The following GNB4 variants were observed in gnomAD, a reference collection of about 807,000 sequenced individuals.
GNB4 encodes G protein subunit beta 4.
A neutral mutation model predicts 45.2 loss-of-function variants in GNB4; 28 were observed. That is an observed-to-expected ratio of 0.62 (90% confidence interval 0.46 to 0.85). GNB4 has a LOEUF of 0.85. Among genes scored for constraint, GNB4 ranks in the 40% least tolerant of loss-of-function variants. GNB4 has a pLI of 0.00. For synonymous variants in GNB4, 132 were observed against 143.7 expected (o/e 0.92, Z 0.58); for missense variants, 321 against 425.4 (o/e 0.75, Z 2.16).
chr3:179,425,706 G>A (rs1577033852), intron 2 of GNB4, among the ~76,000 whole-genome samples: 1 of 152,006 alleles, frequency 6.6e-6, no homozygotes, highest in Admixed American at 6.6e-5. Flanking sequence ...CCTGACCTCA[G>A]GTGATCCACC....
At chr3:179,493,525 C>CAAA in the GNB4 span, among the ~76,000 whole-genome samples, 3 of 117,540 alleles carry the variant, frequency 2.6e-5, no homozygotes, top group African/African-American at 1.0e-4. Context: ...TATCCAGTCT[C>CAAA]AAAAAAAAAA....
At chr3:179,480,111 C>G in the GNB4 span, among the ~76,000 whole-genome samples, 1 of 152,246 alleles carries the variant, frequency 6.6e-6, no homozygotes, top group African/African-American at 2.4e-5. Flanking sequence ...TTGCTCTTGC[C>G]CTCTCATTAT....
At chr3:179,465,370 G>A in the GNB4 span, 11 of 770,670 alleles carry the variant, frequency 1.4e-5, no homozygotes, top group Admixed American at 1.8e-4. Flanking sequence ...TTGGGAGGCC[G>A]AGGCGGGCGA....
chr3:179,452,092 A>C (rs904863349), upstream of GNB4, among the ~76,000 whole-genome samples: 5 of 152,218 alleles, frequency 3.3e-5, no homozygotes, highest in African/African-American at 1.2e-4. Context: ...GCCTGCCTCC[A>C]AATAAATGGC....
chr3:179,512,796 T>C, the GNB4 span, among the ~76,000 whole-genome samples: 1 of 152,200 alleles, frequency 6.6e-6, no homozygotes, highest in African/African-American at 2.4e-5. Flanking sequence ...TGTATGTGCA[T>C]GTGTGCGTGC....
chr3:179,418,870 G>A (rs988983359), intron 4 of GNB4, among the ~76,000 whole-genome samples: 4 of 152,244 alleles, frequency 2.6e-5, no homozygotes, highest in African/African-American at 4.8e-5. Flanking sequence ...TGTAGGCCAC[G>A]TAGCAGCTGT....
At chr3:179,476,000 A>G in the GNB4 span, among the ~76,000 whole-genome samples, 1 of 152,196 alleles carries the variant, frequency 6.6e-6, no homozygotes, top group African/African-American at 2.4e-5. Flanking sequence ...CTCCATCCCA[A>G]TAGCCCCAAA....
intron 1 of GNB4, among the ~76,000 whole-genome samples, chr3:179,431,346 C>T (rs1715302725): frequency 6.6e-6 from 1 of 152,046 alleles, no homozygotes; most frequent in Non-Finnish European, 1.5e-5. Context: ...CACTTGAGGC[C>T]AGGAGTTCGA....
At chr3:179,510,334 T>A in the GNB4 span, among the ~76,000 whole-genome samples, 1 of 152,196 alleles carries the variant, frequency 6.6e-6, no homozygotes, top group Non-Finnish European at 1.5e-5. Context: ...GTCCCTCTGC[T>A]GAGCCACTGC....
chr3:179,398,925 T>C lies in GNB4; in HGVS notation c.*2288A>G, dbSNP rs538844236. 1 of 152,340 alleles carries C rather than the reference T, an allele frequency of 6.6e-6. No homozygotes were observed. Among genetic ancestry groups the C allele is most frequent in the Non-Finnish European group, 1.5e-5 (1 of 68,030 alleles). The allele number at this position is 152,340 out of a possible 1,614,324, so 9.4% of individuals were successfully genotyped here. A position where few individuals can be genotyped will look rare whatever the true frequency, so the allele number is the denominator to read the frequency against. On this transcript the variant is annotated 3_prime_UTR_variant, in exon 10 of 10. Transcript: ENST00000232564. ...AACTTTAAGAACATTAAAATAAATG[T>C]AATTTTAAAATATGTTAAGACCATA... is the stretch of plus-strand genomic sequence containing the variant.
the GNB4 span, among the ~76,000 whole-genome samples, chr3:179,502,228 CTTTTTT>C: frequency 1.4e-5 from 1 of 73,464 alleles, no homozygotes; most frequent in African/African-American, 5.1e-5. Flanking sequence ...TTTTTCTTTT[CTTTTTT>C]TTTTTTTTTT....
chr3:179,508,395 C>G, the GNB4 span, among the ~76,000 whole-genome samples: 2 of 152,238 alleles, frequency 1.3e-5, no homozygotes, highest in Admixed American at 1.3e-4. Context: ...GAGGCAGCAG[C>G]TGGGGCAGCA....
the GNB4 span, among the ~76,000 whole-genome samples, chr3:179,491,003 G>A: frequency 1.3e-5 from 2 of 152,132 alleles, no homozygotes; most frequent in Non-Finnish European, 2.9e-5. Flanking sequence ...TATGAAAAAA[G>A]ACGATCAATG....
intron 2 of GNB4, among the ~76,000 whole-genome samples, chr3:179,422,619 A>G (rs944647047): frequency 3.3e-5 from 5 of 152,282 alleles, no homozygotes; most frequent in African/African-American, 1.2e-4. Context: ...TTTGCAAATC[A>G]AAGACATAAC....
the GNB4 span, among the ~76,000 whole-genome samples, chr3:179,525,025 G>A: frequency 1.1e-4 from 16 of 152,180 alleles, 2 homozygotes; most frequent in East Asian, 1.9e-4. Flanking sequence ...GGTCAGATGG[G>A]TCTGTAGAAA....
the GNB4 span, among the ~76,000 whole-genome samples, chr3:179,494,273 G>T: frequency 2.0e-5 from 3 of 147,690 alleles, no homozygotes; most frequent in Non-Finnish European, 4.5e-5. Context: ...AAGAAAGAAA[G>T]AAAGAGAAAG....
chr3:179,504,282 G>A, the GNB4 span, among the ~76,000 whole-genome samples: 1 of 152,134 alleles, frequency 6.6e-6, no homozygotes, highest in African/African-American at 2.4e-5. Flanking sequence ...CTGATACTGT[G>A]TAAAATATGT....
chr3:179,464,598 G>A, the GNB4 span: 33 of 1,382,576 alleles, frequency 2.4e-5, no homozygotes, highest in Admixed American at 3.2e-4. Flanking sequence ...TCACTCCTAC[G>A]TCCTCAACAA....
chr3:179,411,603 C>A (rs576563871), intron 8 of GNB4, among the ~76,000 whole-genome samples: 2 of 152,074 alleles, frequency 1.3e-5, no homozygotes, highest in Non-Finnish European at 2.9e-5. Context: ...AAGACTTTAG[C>A]AAATTATGAG....
Sources: gnomAD v4.1 joint callset for allele counts (sites outside exome capture counted in the v4.1 genomes callset) on GRCh38, gnomAD v4.1.1 for gene constraint, MANE v1.5 for transcripts, NCBI Gene and HGNC (gene_info 2026-07-23, HGNC 2026-07-21) for gene names.